Variants in ELAPOR1 observed in about 807,000 individuals in gnomAD.
ELAPOR1 encodes the protein endosome-lysosome associated apoptosis and autophagy regulator 1, also known as endosome/lysosome-associated apoptosis and autophagy regulator 1.
Under a neutral mutation model 119.7 loss-of-function variants are expected in ELAPOR1, and 77 were observed. That is an observed-to-expected ratio of 0.64 (90% CI 0.54 to 0.78). ELAPOR1 has a LOEUF of 0.78. Ranked by LOEUF, ELAPOR1 falls within the 30% of genes least tolerant of loss-of-function variation. The pLI is 0.00. For missense variants in ELAPOR1, 1,115 were observed against 1,270.4 expected (o/e 0.88, Z 1.86); for synonymous variants, 481 against 487.2 (o/e 0.99, Z 0.17).
intron 3 of ELAPOR1, 35 bp from the exon 4 acceptor site, chr1:109,171,831 T>TC: frequency 6.2e-7 from 1 of 1,611,994 alleles, no homozygotes; most frequent in South Asian, 1.1e-5. Context: ...TGGGCTGTGC[T>TC]CCTGCCTGTG....
intron 1 of ELAPOR1, among the ~76,000 whole-genome samples, chr1:109,120,441 T>C (rs1315426837): frequency 6.7e-6 from 1 of 149,686 alleles, no homozygotes; most frequent in Non-Finnish European, 1.5e-5. Context: ...ACAAGAGGCC[T>C]GTATTTTTGC....
chr1:109,155,543 T>C (rs2101028270), intron 1 of ELAPOR1, among the ~76,000 whole-genome samples: 1 of 152,272 alleles, frequency 6.6e-6, no homozygotes, highest in Admixed American at 6.5e-5. Context: ...TCTTCTGAGA[T>C]ATTGTTCCTG....
intron 1 of ELAPOR1, among the ~76,000 whole-genome samples, chr1:109,118,443 A>G (rs1293672968): frequency 6.6e-6 from 1 of 152,236 alleles, no homozygotes; most frequent in Admixed American, 6.5e-5. Flanking sequence ...ATGGATTAGC[A>G]TGAATATAAA....
chr1:109,177,193 C>T (rs1308404378), intron 7 of ELAPOR1, among the ~76,000 whole-genome samples: 562 of 146,274 alleles, frequency 3.8e-3, no homozygotes, highest in African/African-American at 0.014. Context: ...CGGGCAGAGG[C>T]GCCCCTCACC....
At chr1:109,187,590 C>A in intron 8 of ELAPOR1, 1 of 1,002,288 alleles carries the variant, frequency 1.0e-6, no homozygotes, top group African/African-American at 1.7e-5. Flanking sequence ...TCACCCCTGA[C>A]TCAGCCGGGG....
In ELAPOR1 at chr1:109,140,434, G is replaced by T. The variant is rs148219982; in HGVS notation, c.154-21460G>T. ...CCCTCGTAAACCTTACAGGAGTCTG[G>T]CCTTGCTCAGAAGGCAGCTGTGGGG... is the stretch of plus-strand genomic sequence containing the variant. On this transcript the variant is annotated intron_variant, in intron 1 of 21. Coordinates refer to ENST00000369939, the MANE Select transcript of ELAPOR1 (RefSeq NM_020775.5). 1.5e-3 allele frequency among the ~76,000 whole-genome samples: 235 copies of T among 152,328 alleles called. 5 individuals are homozygous for T. In the South Asian group the frequency reaches 0.028, roughly 18 times the overall value.
chr1:109,129,401 C>T lies in ELAPOR1; in HGVS notation c.153+15065C>T, dbSNP rs143684468. On this transcript the variant is annotated intron_variant, in intron 1 of 21. Coordinates refer to ENST00000369939, the MANE Select transcript of ELAPOR1 (RefSeq NM_020775.5). ...GGCACACGCCTGTAATCCTAGCTAC[C>T]CGGGAGGCTGAGGCAGGATTCACTA... 9.1e-3 allele frequency among the ~76,000 whole-genome samples: 1,377 copies of T among 152,138 alleles called. 24 individuals carry two copies. The highest frequency in any genetic ancestry group is 0.031 in the African/African-American group (1,287 of 41,492).
At chr1:109,127,905 C>T (rs1343557118) in intron 1 of ELAPOR1, among the ~76,000 whole-genome samples, 1 of 150,118 alleles carries the variant, frequency 6.7e-6, no homozygotes, top group Non-Finnish European at 1.5e-5. Context: ...GACAGAGTCT[C>T]GCTCTGTCAC....
At chr1:109,149,234 C>T (rs1472132066) in intron 1 of ELAPOR1, among the ~76,000 whole-genome samples, 2 of 152,010 alleles carry the variant, frequency 1.3e-5, no homozygotes, top group African/African-American at 4.8e-5. Flanking sequence ...CAGCGGGGCT[C>T]CTTTCTCTCA....
chr1:109,164,960 G>C (rs928758876), intron 3 of ELAPOR1, among the ~76,000 whole-genome samples: 1 of 152,152 alleles, frequency 6.6e-6, no homozygotes, highest in African/African-American at 2.4e-5. Context: ...AGTGGACAAG[G>C]GGGGCAAGGG....
Position 109,200,741 on chromosome 1 carries a change from G to A in ELAPOR1, c.2814G>A (p.Glu938=). 1 of 1,613,742 alleles carries A rather than the reference G, an allele frequency of 6.2e-7. No homozygotes were observed. Among genetic ancestry groups the A allele is most frequent in the South Asian group, 1.1e-5 (1 of 91,030 alleles). ...CCATCCTCCTGTTTTATAGACTAGA[G>A]TACAAGTACTCCAAGCTGGTGATGA... ...CYFWKKNQKL[E]YKYSKLVMNA... is the part of the protein sequence containing the mutation. The change falls in exon 21 of 22, where the codon GAG becomes GAA. Residue 938 remains glutamate (E), a synonymous_variant. Coordinates refer to ENST00000369939, the MANE Select transcript of ELAPOR1 (RefSeq NM_020775.5).
intron 1 of ELAPOR1, among the ~76,000 whole-genome samples, chr1:109,122,022 T>A (rs1648454337): frequency 6.6e-6 from 1 of 151,866 alleles, no homozygotes; most frequent in Non-Finnish European, 1.5e-5. Context: ...TCCGCCCACC[T>A]TGGCCTCCCA....
At chr1:109,156,863 A>G (rs1325712535) in intron 1 of ELAPOR1, among the ~76,000 whole-genome samples, 1 of 152,140 alleles carries the variant, frequency 6.6e-6, no homozygotes, top group Non-Finnish European at 1.5e-5. Flanking sequence ...CATCCATGGC[A>G]GAGGAAGGTG....
intron 1 of ELAPOR1, among the ~76,000 whole-genome samples, chr1:109,153,125 GT>G (rs1002153112): frequency 9.9e-5 from 15 of 151,830 alleles, no homozygotes; most frequent in Non-Finnish European, 1.8e-4. Context: ...GCACTGTTTT[GT>G]TTTTTTAATA....
chr1:109,171,589 G>C (rs967359121), intron 3 of ELAPOR1, among the ~76,000 whole-genome samples: 2 of 151,946 alleles, frequency 1.3e-5, no homozygotes, highest in African/African-American at 4.8e-5. Flanking sequence ...AACTTCACCT[G>C]CCACCCGTAT....
chr1:109,153,268 A>G (rs766461613), intron 1 of ELAPOR1, among the ~76,000 whole-genome samples: 28 of 152,192 alleles, frequency 1.8e-4, no homozygotes, highest in Non-Finnish European at 1.2e-4. Flanking sequence ...AACAATCTCA[A>G]AGAAACTCAT....
chr1:109,131,548 A>C (rs1649148109), intron 1 of ELAPOR1, among the ~76,000 whole-genome samples: 1 of 152,152 alleles, frequency 6.6e-6, no homozygotes, highest in South Asian at 2.1e-4. Flanking sequence ...GAGCACTCGC[A>C]GTGTGCCAGG....
rs1257248394 is a variant in ELAPOR1, at chr1:109,200,011, G to A, written c.2628+31G>A. On this transcript the variant is annotated intron_variant, in intron 19 of 21. Coordinates refer to ENST00000369939, the MANE Select transcript of ELAPOR1 (RefSeq NM_020775.5). ...TTTCCCTCTGATCGGGCACTTCCAT[G>A]AGAGAAGGGAATGGGAGATCTGAGT... is the stretch of plus-strand genomic sequence containing the variant. 4 of 1,613,642 alleles carry A rather than the reference G, an allele frequency of 2.5e-6. No individual in the cohort carries two copies. In the African/African-American group the frequency reaches 5.3e-5, roughly 22 times the overall value.
At chr1:109,127,654 G>T (rs192781544) in intron 1 of ELAPOR1, among the ~76,000 whole-genome samples, 3 of 152,152 alleles carry the variant, frequency 2.0e-5, no homozygotes, top group Non-Finnish European at 4.4e-5. Flanking sequence ...GCAGCCTTGA[G>T]CTTCTGGGCT....
Sources: allele counts gnomAD v4.1 joint callset (sites outside exome capture counted in the v4.1 genomes callset), GRCh38; gene constraint gnomAD v4.1.1; transcripts MANE v1.5; gene names NCBI Gene and HGNC (gene_info 2026-07-23, HGNC 2026-07-21).